The following CELF2 variants were observed in gnomAD, a reference collection of about 807,000 sequenced individuals.
CELF2 encodes the protein CUGBP Elav-like family member 2, also known as CUG triplet repeat RNA-binding protein 2.
Under a neutral mutation model 62.6 loss-of-function variants are expected in CELF2, and 8 were observed. The observed-to-expected ratio is 0.13, with a 90% CI of 0.07 to 0.23. The LOEUF is 0.23. Among genes scored for constraint, CELF2 ranks in the 10% least tolerant of loss-of-function variants. The pLI is 1.00. For synonymous variants in CELF2, 258 were observed against 250.0 expected, an observed-to-expected ratio of 1.03 and a Z score of -0.30; for missense variants, 333 against 671.0, an observed-to-expected ratio of 0.50 and a Z score of 5.56.
the CELF2 span, among the ~76,000 whole-genome samples, chr10:10,562,453 A>G: frequency 6.6e-6 from 1 of 152,224 alleles, no homozygotes; most frequent in East Asian, 1.9e-4. Flanking sequence ...TCTTCAGCAT[A>G]TGTGCTATAA....
chr10:10,759,116 T>C, the CELF2 span, among the ~76,000 whole-genome samples: 1 of 152,116 alleles, frequency 6.6e-6, no homozygotes, highest in East Asian at 1.9e-4. Context: ...ATCCATTCCG[T>C]GGACCTAAGC....
In CELF2 at chr10:11,280,951, C is replaced by T. The variant is rs917264961; in HGVS notation, c.841+5831C>T. Among the ~76,000 whole-genome samples, 3 of 151,718 alleles carry T rather than the reference C, an allele frequency of 2.0e-5. No individual in the cohort carries two copies. The highest frequency in any genetic ancestry group is 7.3e-5 in the African/African-American group (3 of 41,174). On this transcript the variant is annotated intron_variant, in intron 8 of 12. Transcript: ENST00000633077. The surrounding 1 kb of genome is among the most constrained non-coding windows in gnomAD (Gnocchi z 7.6). ...AATGGAGGAGCTCGGGCTCGCCTGGCTGCTTCTGATGCTGGCGTGCGTGTG... is the reference window on the plus strand; with the variant it reads ...AATGGAGGAGCTCGGGCTCGCCTGGTTGCTTCTGATGCTGGCGTGCGTGTG...
Position 10,958,619 on chromosome 10 carries a change from C to T in CELF2, c.89+38620C>T, listed in dbSNP as rs78802842. ...AGAGGTTTGGGAGGCCCAGGCAGGA[C>T]GAACACTTGAGCCCAGGCGTTCAAG... On this transcript the variant is annotated intron_variant, in intron 2 of 13. Coordinates refer to the CELF2 transcript ENST00000636488. 9.4e-3 allele frequency among the ~76,000 whole-genome samples: 1,429 copies of T among 151,762 alleles called. 5 individuals carry two copies. Among genetic ancestry groups the T allele is most frequent in the Middle Eastern group, 0.024 (7 of 292 alleles).
intron 1 of CELF2, among the ~76,000 whole-genome samples, chr10:11,116,855 T>C (rs1270719288): frequency 6.6e-6 from 1 of 152,248 alleles, no homozygotes; most frequent in Non-Finnish European, 1.5e-5. Context: ...ATTCATTCGT[T>C]AACCAACACT....
chr10:10,776,693 G>A, the CELF2 span: 2 of 155,748 alleles, frequency 1.3e-5, no homozygotes, highest in Non-Finnish European at 2.9e-5. Flanking sequence ...CCGGCTGCAT[G>A]CACAGAGCAG....
the CELF2 span, among the ~76,000 whole-genome samples, chr10:10,666,754 C>T: frequency 6.0e-5 from 7 of 116,250 alleles, 1 homozygote; most frequent in Non-Finnish European, 1.0e-4. Flanking sequence ...CCCAGCTACT[C>T]GGGAGGCTGA....
At chr10:10,492,152 A>T in the CELF2 span, among the ~76,000 whole-genome samples, 22 of 152,158 alleles carry the variant, frequency 1.4e-4, no homozygotes, top group Non-Finnish European at 2.9e-5. Flanking sequence ...ACTTGACTGT[A>T]CTTCTCTGAA....
the CELF2 span, among the ~76,000 whole-genome samples, chr10:10,642,852 G>T: frequency 6.6e-6 from 1 of 152,218 alleles, no homozygotes; most frequent in Non-Finnish European, 1.5e-5. Flanking sequence ...GCAGCCAGTG[G>T]TGGAGGCTGT....
the CELF2 span, among the ~76,000 whole-genome samples, chr10:10,792,721 G>A: frequency 2.0e-5 from 3 of 152,130 alleles, no homozygotes; most frequent in African/African-American, 7.2e-5. Context: ...AACAAAGGCC[G>A]ACTGGAAATT....
chr10:10,900,640 T>C (rs2062868553), intron 1 of CELF2, among the ~76,000 whole-genome samples: 1 of 152,168 alleles, frequency 6.6e-6, no homozygotes, highest in Non-Finnish European at 1.5e-5. Flanking sequence ...GTCTTTTTTC[T>C]TCAAGGTCAG....
chr10:10,587,536 T>C, the CELF2 span, among the ~76,000 whole-genome samples: 1 of 152,168 alleles, frequency 6.6e-6, no homozygotes, highest in Non-Finnish European at 1.5e-5. Context: ...ATCTTTCACA[T>C]AGCAATAAAC....
In CELF2 at chr10:11,328,933, T is replaced by C. The variant is rs775562001; in HGVS notation, c.1446T>C (p.Val482=). 1.2e-5 allele frequency: 20 copies of C among 1,610,524 alleles called. No homozygotes were observed. The highest frequency in any genetic ancestry group is 1.7e-5 in the Non-Finnish European group (20 of 1,177,564). ...QTNLSKCFGF[V]SYDNPVSAQA... The stretch of plus-strand genomic sequence containing the variant: ...TCTCTCGGTATTTTCCAGGTTTTGT[T>C]AGCTACGACAATCCAGTCTCTGCAC... The change falls in exon 13 of 13, where the codon GTT becomes GTC. Residue 482 remains valine (V), a synonymous_variant. Coordinates refer to ENST00000633077, the MANE Select transcript of CELF2 (RefSeq NM_001326342.2). The surrounding 1 kb of genome is among the most constrained non-coding windows in gnomAD (Gnocchi z 6.4).
At chr10:10,730,293 A>G in the CELF2 span, among the ~76,000 whole-genome samples, 1 of 152,180 alleles carries the variant, frequency 6.6e-6, no homozygotes, top group Non-Finnish European at 1.5e-5. Context: ...CCTGGCCAAG[A>G]TGGTGAAACC....
chr10:10,909,378 C>T (rs1209285393), intron 1 of CELF2, among the ~76,000 whole-genome samples: 1 of 152,196 alleles, frequency 6.6e-6, no homozygotes, highest in Admixed American at 6.5e-5. Context: ...TCATCACAGA[C>T]AGCGGAAGTC....
rs184763730 is a variant in CELF2, at chr10:11,237,401, A to G, written c.355-11752A>G. On this transcript the variant is annotated intron_variant, in intron 3 of 12. Coordinates refer to ENST00000633077, the MANE Select transcript of CELF2 (RefSeq NM_001326342.2). The surrounding 1 kb of genome is among the most constrained non-coding windows in gnomAD (Gnocchi z 4.0). Reference sequence around the variant, plus strand: ...GGTACCCAGATTCAGGTCATTTCCTATGGGGTGAGGCAGGAGTGTGGCTGG... The same window carrying G: ...GGTACCCAGATTCAGGTCATTTCCTGTGGGGTGAGGCAGGAGTGTGGCTGG... 4.6e-4 allele frequency among the ~76,000 whole-genome samples: 70 copies of G among 152,172 alleles called. No homozygotes were observed. The highest frequency in any genetic ancestry group is 1.7e-3 in the African/African-American group (70 of 41,496).
At chr10:11,320,189 T>C (rs1038722454) in intron 10 of CELF2, among the ~76,000 whole-genome samples, 8 of 152,160 alleles carry the variant, frequency 5.3e-5, no homozygotes, top group Admixed American at 2.6e-4. Context: ...CTCTATAAAG[T>C]GTTGCTTGCT....
the CELF2 span, among the ~76,000 whole-genome samples, chr10:10,663,863 C>T: frequency 6.6e-6 from 1 of 152,120 alleles, no homozygotes; most frequent in Non-Finnish European, 1.5e-5. Context: ...AGTATGTCAT[C>T]GTCAGTTTAC....
At chr10:11,212,705 A>G (rs915332264) in intron 2 of CELF2, among the ~76,000 whole-genome samples, 12 of 148,524 alleles carry the variant, frequency 8.1e-5, no homozygotes, top group Non-Finnish European at 1.8e-4. Context: ...AAACTGGCAC[A>G]TGAAGAAGGA....
the CELF2 span, among the ~76,000 whole-genome samples, chr10:10,462,825 T>C: frequency 1.3e-5 from 2 of 152,016 alleles, no homozygotes; most frequent in East Asian, 3.9e-4. Context: ...TCTCTGCAAA[T>C]GGACTATTTG....
Sources: allele counts gnomAD v4.1 joint callset (sites outside exome capture counted in the v4.1 genomes callset), GRCh38; gene constraint gnomAD v4.1.1; non-coding constraint Gnocchi (gnomAD v3.1); transcripts MANE v1.5; gene names NCBI Gene and HGNC (gene_info 2026-07-23, HGNC 2026-07-21).